Variants in OPRM1 observed in about 807,000 individuals in gnomAD.
OPRM1 encodes the protein mu-type opioid receptor.
A neutral mutation model predicts 31.8 loss-of-function variants in OPRM1; 27 were observed. That is an observed-to-expected ratio of 0.85 (90% CI 0.63 to 1.17). OPRM1 has a LOEUF of 1.17. Among genes scored for constraint, OPRM1 ranks in the 50% most tolerant of loss-of-function variants. OPRM1 has a pLI of 0.00. For synonymous variants in OPRM1, 196 were observed against 189.9 expected (o/e 1.03, Z -0.26); for missense variants, 536 against 511.1 (o/e 1.05, Z -0.47).
intron 1 of OPRM1, among the ~76,000 whole-genome samples, chr6:154,068,370 T>A (rs1296073077): frequency 6.6e-6 from 1 of 152,116 alleles, no homozygotes; most frequent in Admixed American, 6.5e-5. Context: ...TCAACCCCAA[T>A]TCACCCTAAC....
intron 3 of OPRM1, among the ~76,000 whole-genome samples, chr6:154,212,412 C>T (rs1221174611): frequency 2.0e-5 from 3 of 152,152 alleles, no homozygotes; most frequent in Non-Finnish European, 4.4e-5. Context: ...TGTTATAGTA[C>T]ATGCACATAG....
intron 1 of OPRM1, among the ~76,000 whole-genome samples, chr6:154,084,205 C>G (rs920199982): frequency 6.6e-6 from 1 of 152,114 alleles, no homozygotes; most frequent in African/African-American, 2.4e-5. Flanking sequence ...AACTACATAA[C>G]GTCACCTTGA....
At chr6:154,152,621 A>C (rs1798569246) in intron 3 of OPRM1, among the ~76,000 whole-genome samples, 1 of 151,348 alleles carries the variant, frequency 6.6e-6, no homozygotes, top group Non-Finnish European at 1.5e-5. Flanking sequence ...GATTCTCAAA[A>C]GTGATTTTTT....
chr6:154,228,754 G>A (rs1244720899), intron 3 of OPRM1, among the ~76,000 whole-genome samples: 1 of 152,194 alleles, frequency 6.6e-6, no homozygotes, highest in East Asian at 1.9e-4. Flanking sequence ...AGATGTGGTG[G>A]CTCATGCCTG....
At chr6:154,076,043 T>C (rs1787828741) in intron 1 of OPRM1, among the ~76,000 whole-genome samples, 2 of 152,376 alleles carry the variant, frequency 1.3e-5, no homozygotes, top group South Asian at 2.1e-4. Context: ...GCTATCTCCA[T>C]GTAGTAGGAT....
chr6:154,087,007 C>A (rs896217083), intron 1 of OPRM1: 5 of 983,552 alleles, frequency 5.1e-6, no homozygotes, highest in Non-Finnish European at 6.0e-6. Context: ...TCTACATTAT[C>A]CTTTTTATAT....
At chr6:154,084,681 A>G (rs560419378) in intron 1 of OPRM1, among the ~76,000 whole-genome samples, 1 of 152,270 alleles carries the variant, frequency 6.6e-6, no homozygotes, top group Non-Finnish European at 1.5e-5. Context: ...GTGGACATAA[A>G]AGTCATGGCA....
chr6:154,140,912 C>T (rs1798189928), intron 3 of OPRM1, among the ~76,000 whole-genome samples: 1 of 152,198 alleles, frequency 6.6e-6, no homozygotes, highest in African/African-American at 2.4e-5. Flanking sequence ...TTGAGGCCAG[C>T]ACTAGATGCT....
intron 3 of OPRM1, among the ~76,000 whole-genome samples, chr6:154,189,112 A>G (rs1801634824): frequency 1.3e-5 from 2 of 152,228 alleles, no homozygotes; most frequent in African/African-American, 2.4e-5. Flanking sequence ...CATTCCTACA[A>G]ATCCATTGGA....
rs1797384662 is a variant in OPRM1, at chr6:154,122,982, T to G, written c.*4261T>G. 6.6e-6 allele frequency among the ~76,000 whole-genome samples: 1 copy of G among 151,980 alleles called. No homozygotes were observed. Among genetic ancestry groups the G allele is most frequent in the African/African-American group, 2.4e-5 (1 of 41,378 alleles). On this transcript the variant is annotated 3_prime_UTR_variant, in exon 4 of 4. Coordinates refer to ENST00000330432, the MANE Select transcript of OPRM1 (RefSeq NM_000914.5). ...GCTCGTTGTCTCACAACCAAGAAAATTAAGGAGCATGGACACAAAGGGTGA... is the reference window on the plus strand; with the variant it reads ...GCTCGTTGTCTCACAACCAAGAAAAGTAAGGAGCATGGACACAAAGGGTGA...
At chr6:154,159,886 T>C (rs1397858460) in intron 3 of OPRM1, 1 of 1,613,368 alleles carries the variant, frequency 6.2e-7, no homozygotes, top group Non-Finnish European at 8.5e-7. Flanking sequence ...CTGGGGGGTG[T>C]CATCAGTGTC....
At chr6:154,042,967 G>T (rs1433438829) in intron 1 of OPRM1, among the ~76,000 whole-genome samples, 1 of 152,146 alleles carries the variant, frequency 6.6e-6, no homozygotes, top group Non-Finnish European at 1.5e-5. Context: ...AGCCACCAGA[G>T]ATGTTTCACT....
intron 1 of OPRM1, among the ~76,000 whole-genome samples, chr6:154,061,674 G>A (rs1192858237): frequency 6.6e-6 from 1 of 152,058 alleles, no homozygotes; most frequent in Non-Finnish European, 1.5e-5. Flanking sequence ...CTTGAGGGTG[G>A]AAGGTGGGAG....
rs566613331 is a variant in OPRM1 at position 154,152,612 on chromosome 6, A to AT, written c.1164+61142dup. Among the ~76,000 whole-genome samples, 66 of 151,454 alleles carry AT rather than the reference A, an allele frequency of 4.4e-4. No individual in the cohort carries two copies. The East Asian group carries it at 0.013, about 29-fold the overall frequency. On this transcript the variant is annotated intron_variant, in intron 3 of 3. Coordinates refer to the OPRM1 transcript ENST00000337049. ...ATTATCCTTTGCTTGATGATACTTGATTCTCAAAAGTGATTTTTTAATGCT... is the reference window on the plus strand; with the variant it reads ...ATTATCCTTTGCTTGATGATACTTGATTTCTCAAAAGTGATTTTTTAATGCT...
At chr6:154,110,322 A>T in intron 3 of OPRM1, 1 of 1,075,338 alleles carries the variant, frequency 9.3e-7, no homozygotes, top group Non-Finnish European at 1.4e-6. Flanking sequence ...TAATTGGTAC[A>T]TTGTTCTGTT....
Position 154,130,954 on chromosome 6 carries a change from T to C in OPRM1, c.*12233T>C, listed in dbSNP as rs1037741794. Among the ~76,000 whole-genome samples, 11 of 152,184 alleles carry C rather than the reference T, an allele frequency of 7.2e-5. No individual in the cohort carries two copies. The East Asian group carries it at 1.7e-3, about 24-fold the overall frequency. Reference sequence around the variant, plus strand: ...TTGTTGTTTTCATTTTATTATGTTATATGAAAAAAAGAAACCTTGTAAGTG... The same window carrying C: ...TTGTTGTTTTCATTTTATTATGTTACATGAAAAAAAGAAACCTTGTAAGTG... On this transcript the variant is annotated 3_prime_UTR_variant, in exon 4 of 4. Transcript: ENST00000330432.
intron 3 of OPRM1, among the ~76,000 whole-genome samples, chr6:154,202,356 C>T (rs140536605): frequency 4.6e-5 from 7 of 152,250 alleles, no homozygotes; most frequent in African/African-American, 1.4e-4. Context: ...TTCAATAAAA[C>T]CCTAGTTATC....
rs678122 is a variant in OPRM1 at position 154,128,968 on chromosome 6, A to T, written c.*10247A>T. Among the ~76,000 whole-genome samples, 101,161 of 152,030 alleles carry T rather than the reference A, an allele frequency of 0.67. 33,997 individuals are homozygous for T. Among genetic ancestry groups the T allele is most frequent in the East Asian group, 0.9 (4,658 of 5,170 alleles). ...CAAAAGAGAATAGGAGTTTTAACTT[A>T]TATCTGTGTTTTATTAATATTTTGA... On this transcript the variant is annotated 3_prime_UTR_variant, in exon 4 of 4. Transcript: ENST00000330432.
At chr6:154,179,004 T>A (rs1800599274) in intron 3 of OPRM1, among the ~76,000 whole-genome samples, 2 of 152,176 alleles carry the variant, frequency 1.3e-5, no homozygotes, top group South Asian at 4.1e-4. Context: ...CTACAACATA[T>A]CACTAAATAC....
Sources: allele counts gnomAD v4.1 joint callset (sites outside exome capture counted in the v4.1 genomes callset), GRCh38; gene constraint gnomAD v4.1.1; transcripts MANE v1.5; gene names NCBI Gene and HGNC (gene_info 2026-07-23, HGNC 2026-07-21).